ADA2: variants seen among roughly 807,000 people sequenced by gnomAD.
The protein encoded by ADA2 is adenosine deaminase 2, also known as adenosine deaminase CECR1.
A neutral mutation model predicts 44.2 loss-of-function variants in ADA2; 29 were observed. That is an observed-to-expected ratio of 0.66 (90% CI 0.49 to 0.89). ADA2 has a LOEUF of 0.89. Ranked by LOEUF, ADA2 falls within the 40% of genes least tolerant of loss-of-function variation. The pLI, the probability that ADA2 is intolerant of heterozygous loss-of-function variation, is 0.00. For synonymous variants in ADA2, 215 were observed against 234.9 expected, an observed-to-expected ratio of 0.92 and a Z score of 0.77; for missense variants, 637 against 644.8, an observed-to-expected ratio of 0.99 and a Z score of 0.13.
At chr22:17,182,848 G>T (rs1407869368) in intron 7 of ADA2, 87 bp from the exon 8 acceptor site, 8 of 1,403,916 alleles carry the variant, frequency 5.7e-6, no homozygotes, top group Non-Finnish European at 7.8e-6. Context: ...CCCGCCCCCC[G>T]ACCATCCTCA....
chr22:17,196,551 G>A (rs1433992587), intron 4 of ADA2, among the ~76,000 whole-genome samples: 1 of 152,056 alleles, frequency 6.6e-6, no homozygotes, highest in Non-Finnish European at 1.5e-5. Context: ...GGGAAGAATA[G>A]GGTTCTGTCC....
Position 17,189,934 on chromosome 22 carries a change from T to C in ADA2, c.972+8A>G, listed in dbSNP as rs756414090. ...ACAGGCAGCCCTTCTGTTCACAGCA[T>C]GGGTTACCAGGTCAAACCCTGCCAC... On this transcript the variant is annotated splice_region_variant and intron_variant, in intron 6 of 9. Transcript: ENST00000399837. The C allele has an allele frequency of 1.9e-6, 3 of 1,604,968 alleles. No homozygotes were observed. Among genetic ancestry groups the C allele is most frequent in the Admixed American group, 3.3e-5 (2 of 59,964 alleles).
At chr22:17,208,215 G>A (rs1225685092) in intron 2 of ADA2, among the ~76,000 whole-genome samples, 1 of 150,940 alleles carries the variant, frequency 6.6e-6, no homozygotes, top group Non-Finnish European at 1.5e-5. Flanking sequence ...CACGAGGTCA[G>A]GAGTTCGAGA....
At chr22:17,216,025 A>G (rs376022436) in intron 1 of ADA2, among the ~76,000 whole-genome samples, 1 of 152,016 alleles carries the variant, frequency 6.6e-6, no homozygotes, top group African/African-American at 2.4e-5. Context: ...CATCTCTACT[A>G]AAAATACAAA....
intron 3 of ADA2, among the ~76,000 whole-genome samples, chr22:17,206,379 C>T (rs2062353525): frequency 6.6e-6 from 1 of 151,718 alleles, no homozygotes; most frequent in Non-Finnish European, 1.5e-5. Flanking sequence ...ATCACTTGAA[C>T]CCGGGAGGCA....
At chr22:17,202,368 C>G (rs1231004989) in intron 4 of ADA2, among the ~76,000 whole-genome samples, 1 of 152,096 alleles carries the variant, frequency 6.6e-6, no homozygotes, top group African/African-American at 2.4e-5. Flanking sequence ...CCTCGTGATC[C>G]GCCTGCCTCA....
At chr22:17,200,663 C>T (rs757144285) in intron 4 of ADA2, among the ~76,000 whole-genome samples, 1 of 151,992 alleles carries the variant, frequency 6.6e-6, no homozygotes, top group Non-Finnish European at 1.5e-5. Context: ...GGGTGGATCA[C>T]CTGAGGTCAG....
intron 7 of ADA2, among the ~76,000 whole-genome samples, chr22:17,183,882 T>C (rs929367630): frequency 6.6e-6 from 1 of 152,032 alleles, no homozygotes; most frequent in Non-Finnish European, 1.5e-5. Flanking sequence ...ACTGTCAAGA[T>C]GTTATCACTC....
At chr22:17,190,270 T>G (rs1464601455) in intron 5 of ADA2, among the ~76,000 whole-genome samples, 1 of 152,078 alleles carries the variant, frequency 6.6e-6, no homozygotes, top group Non-Finnish European at 1.5e-5. Flanking sequence ...GCACCTGTAG[T>G]CTCTGAAAAG....
chr22:17,181,078 C>A lies in ADA2; in HGVS notation c.*405G>T, dbSNP rs117500236. 1.7e-3 allele frequency: 264 copies of A among 155,812 alleles called. 1 individual carries two copies. The highest frequency in any genetic ancestry group is 2.7e-3 in the Non-Finnish European group (188 of 70,608). The allele number at this position is 155,812 out of a possible 1,614,324, so 9.7% of individuals were successfully genotyped here. ...GCCTGAACCCGGGTGGCGGAGGTTG[C>A]ACTGAGCTGAGATCGCACCATTGTA... On this transcript the variant is annotated 3_prime_UTR_variant, in exon 10 of 10. Coordinates refer to ENST00000399837, the MANE Select transcript of ADA2 (RefSeq NM_001282225.2).
chr22:17,188,538 G>A, intron 6 of ADA2, 91 bp from the exon 7 acceptor site: 1 of 786,366 alleles, frequency 1.3e-6, no homozygotes, highest in Non-Finnish European at 2.1e-6. Flanking sequence ...ACCCTTCCTT[G>A]TACCCTGCCA....
chr22:17,188,761 C>T, intron 6 of ADA2: 1 of 166,442 alleles, frequency 6.0e-6, no homozygotes, highest in Non-Finnish European at 1.3e-5. Context: ...TGCCTGTAGT[C>T]CCAGCTACTT....
At position 17,190,049 on chromosome 22, in the gene ADA2, G is replaced by A. The variant is rs758162183; in HGVS notation, c.882-17C>T. 10 of 1,588,082 alleles carry A rather than the reference G, an allele frequency of 6.3e-6. No homozygotes were observed. In the South Asian group the frequency reaches 9.9e-5, roughly 16 times the overall value. On this transcript the variant is annotated splice_polypyrimidine_tract_variant and intron_variant, in intron 5 of 9. Transcript: ENST00000399837. ...TCTTTGGATCTGTGAGACAGACAGAGAAGCCAGGAGACAGTGCCCAGCACC... is the reference window on the plus strand; with the variant it reads ...TCTTTGGATCTGTGAGACAGACAGAAAAGCCAGGAGACAGTGCCCAGCACC...
intron 7 of ADA2, among the ~76,000 whole-genome samples, chr22:17,185,141 G>A (rs1187535768): frequency 6.6e-6 from 1 of 151,562 alleles, no homozygotes; most frequent in African/African-American, 2.4e-5. Flanking sequence ...GGCCGGGTGT[G>A]GTGGCTCACA....
At chr22:17,204,272 C>T (rs988875615) in intron 3 of ADA2, among the ~76,000 whole-genome samples, 7 of 152,122 alleles carry the variant, frequency 4.6e-5, no homozygotes, top group African/African-American at 1.7e-4. Context: ...ATGATTAAGA[C>T]TAAATGAGGT....
chr22:17,199,446 T>TCCCTCCCCCCCTCTCTCCTCTTCCCCCCC, intron 4 of ADA2: 1 of 917,628 alleles, frequency 1.1e-6, no homozygotes, highest in Non-Finnish European at 1.7e-6. Context: ...CCTCTTCCCC[T>TCCCTCCCCCCCTCTCTCCTCTTCCCCCCC]CCACCCACGA....
In ADA2 at chr22:17,191,797, C is replaced by A. The variant is rs1208715755; in HGVS notation, c.767G>T (p.Ser256Ile). The change falls in exon 5 of 10, where the codon AGT becomes ATT. Residue 256 changes from serine to isoleucine, a missense_variant. Physicochemically the swap from Ser to Ile is moderately radical, Grantham distance 142 (BLOSUM62 -2). Transcript: ENST00000399837. ...CCACTCTTCGTCATGGTGCTCTCCACTGAGCTCATACACCTGGGAAGAAAG... is the reference window on the plus strand; with the variant it reads ...CCACTCTTCGTCATGGTGCTCTCCAATGAGCTCATACACCTGGGAAGAAAG... ...RARLLPVYEL[S>I]GEHHDEEWSV... 1 of 1,613,378 alleles carries A rather than the reference C, an allele frequency of 6.2e-7. No homozygotes were observed.
intron 1 of ADA2, among the ~76,000 whole-genome samples, chr22:17,211,530 G>A (rs1171325278): frequency 6.6e-6 from 1 of 152,084 alleles, no homozygotes; most frequent in African/African-American, 2.4e-5. Context: ...CTACTGGGGA[G>A]GCTGAGGTGG....
At chr22:17,196,323 C>CAAAA (rs34561761) in intron 4 of ADA2, among the ~76,000 whole-genome samples, 1 of 86,886 alleles carries the variant, frequency 1.2e-5, no homozygotes, top group East Asian at 2.6e-4. Flanking sequence ...AACTCCATCC[C>CAAAA]AAAAAAAAAA....
Sources: allele counts gnomAD v4.1 joint callset (sites outside exome capture counted in the v4.1 genomes callset), GRCh38; gene constraint gnomAD v4.1.1; transcripts MANE v1.5; gene names NCBI Gene and HGNC (gene_info 2026-07-23, HGNC 2026-07-21).